Variants in RNF10 observed in about 807,000 individuals in gnomAD.
The protein encoded by RNF10 is ring finger protein 10.
A neutral mutation model predicts 91.4 loss-of-function variants in RNF10; 38 were observed. The observed-to-expected ratio is 0.42, with a 90% CI of 0.32 to 0.54. The LOEUF is 0.54. Ranked by LOEUF, RNF10 falls within the 20% of genes least tolerant of loss-of-function variation. RNF10 has a pLI of 0.16. For synonymous variants in RNF10, 364 were observed against 366.3 expected (o/e 0.99, Z 0.07); for missense variants, 945 against 1,012.0 (o/e 0.93, Z 0.90).
intron 4 of RNF10, among the ~76,000 whole-genome samples, chr12:120,556,333 G>T (rs1312882713): frequency 2.6e-5 from 4 of 151,190 alleles, no homozygotes; most frequent in African/African-American, 4.9e-5. Context: ...AGGAGATCGA[G>T]ACCATCCTGG....
In RNF10 at chr12:120,535,642, C is replaced by G. The variant is rs1238566583; in HGVS notation, c.157+674C>G. ...AAAAACAAAACAAATGAACTAAGGT[C>G]TTAGGATATCTGGCGTCTATTTTGC... On this transcript the variant is annotated intron_variant, in intron 1 of 16. Transcript: ENST00000325954. The G allele has an allele frequency of 2.0e-5, 3 of 152,162 alleles. No individual in the cohort carries two copies. The East Asian group carries it at 5.8e-4, about 29-fold the overall frequency. The allele number at this position is 152,162 out of a possible 1,614,324, so 9.4% of individuals were successfully genotyped here.
intron 7 of RNF10, among the ~76,000 whole-genome samples, chr12:120,562,259 T>TTTTC (rs1179738845): frequency 6.8e-5 from 9 of 132,060 alleles, no homozygotes; most frequent in African/African-American, 2.1e-4. Context: ...TGGTTTTTCT[T>TTTTC]TTTCTTTCTT....
intron 12 of RNF10, among the ~76,000 whole-genome samples, chr12:120,565,971 T>C (rs1875632600): frequency 6.6e-6 from 1 of 152,244 alleles, no homozygotes; most frequent in Non-Finnish European, 1.5e-5. Context: ...AGATCTTTCG[T>C]AGCAGTAAGC....
chr12:120,554,753 C>G lies in RNF10; in HGVS notation c.590C>G (p.Thr197Arg), dbSNP rs1873706078. The change falls in exon 4 of 17, where the codon ACA (threonine) becomes AGA (arginine). Residue 197 changes from threonine (T) to arginine (R), a missense_variant. Physicochemically the swap from Thr to Arg is moderately conservative, Grantham distance 71. Coordinates refer to ENST00000325954, the MANE Select transcript of RNF10 (RefSeq NM_014868.5). The part of the protein sequence containing the change: ...QFVVSEDQDY[T>R]AHFADPDTLV... ...GTGGTGTCTGAAGACCAAGACTACACAGCTCATTTTGCTGATCCTGATACA... is the reference window on the plus strand; with the variant it reads ...GTGGTGTCTGAAGACCAAGACTACAGAGCTCATTTTGCTGATCCTGATACA... The G allele has an allele frequency of 1.2e-6, 2 of 1,614,172 alleles. No homozygotes were observed. Among genetic ancestry groups the G allele is most frequent in the Non-Finnish European group, 1.7e-6 (2 of 1,179,996 alleles).
chr12:120,574,871 A>C (rs191628034), intron 14 of RNF10: 1 of 213,308 alleles, frequency 4.7e-6, no homozygotes, highest in Non-Finnish European at 9.5e-6. Context: ...GGTTGCGGTA[A>C]GCCAAGATTT....
At chr12:120,554,692 CT>C in intron 3 of RNF10, 25 bp from the exon 4 acceptor site, 1 of 1,563,678 alleles carries the variant, frequency 6.4e-7, no homozygotes, top group Non-Finnish European at 8.8e-7. Context: ...GACAGTCTAG[CT>C]TTTTCCTGTC....
intron 1 of RNF10, among the ~76,000 whole-genome samples, chr12:120,541,118 A>G (rs1361830519): frequency 6.6e-6 from 1 of 152,136 alleles, no homozygotes; most frequent in African/African-American, 2.4e-5. Flanking sequence ...CGGCCTCCCA[A>G]AGCATTGGGA....
chr12:120,545,264 T>C (rs1872142421), intron 1 of RNF10, among the ~76,000 whole-genome samples: 1 of 152,078 alleles, frequency 6.6e-6, no homozygotes, highest in Non-Finnish European at 1.5e-5. Flanking sequence ...CACTGCAAGC[T>C]CTGCCTCCTG....
At position 120,562,948 on chromosome 12, in the gene RNF10, C is replaced by T. The variant is rs1358752595; in HGVS notation, c.1132C>T (p.Arg378Trp). 4 of 1,613,804 alleles carry T rather than the reference C, an allele frequency of 2.5e-6. No homozygotes were observed. The highest frequency in any genetic ancestry group is 1.7e-5 in the Admixed American group (1 of 59,986). ...IEAAIQELKT[R>W]EEALSGLAGS... ...GTGTTCTCTCTGGCCACGTTAGACTCGGGAAGAGGCTCTGTCGGGATTGGC... is the reference window on the plus strand; with the variant it reads ...GTGTTCTCTCTGGCCACGTTAGACTTGGGAAGAGGCTCTGTCGGGATTGGC... The change falls in exon 8 of 17, where the codon CGG (arginine) becomes TGG (tryptophan). Residue 378 changes from arginine (R) to tryptophan (W), a missense_variant. Arg to Trp is a moderately radical substitution (Grantham distance 101). Transcript: ENST00000325954.
At chr12:120,545,763 T>C (rs879477211) in intron 1 of RNF10, among the ~76,000 whole-genome samples, 19 of 152,152 alleles carry the variant, frequency 1.2e-4, no homozygotes, top group Non-Finnish European at 2.1e-4. Flanking sequence ...GGTCTCAAAC[T>C]CCTGACCTCA....
At chr12:120,566,717 G>T (rs1875759347) in intron 12 of RNF10, 108 bp from the exon 13 acceptor site, 14 of 1,038,276 alleles carry the variant, frequency 1.3e-5, no homozygotes, top group Non-Finnish European at 2.0e-5. Flanking sequence ...AACAGAGATC[G>T]TACCACTACA....
chr12:120,572,695 AAGCAATTCTCCTGCCTCAGCCTCCCGGGT>A (rs1017034064), intron 14 of RNF10, among the ~76,000 whole-genome samples: 29 of 151,564 alleles, frequency 1.9e-4, no homozygotes, highest in Non-Finnish European at 4.0e-4. Flanking sequence ...TCCCGGGTTC[AAGCAATTCTCCTGCCTCAGCCTCCCGGGT>A]AGCTGGGGTT....
chr12:120,569,381 T>C (rs1391114596), intron 13 of RNF10, among the ~76,000 whole-genome samples: 2 of 152,136 alleles, frequency 1.3e-5, no homozygotes, highest in Admixed American at 1.3e-4. Flanking sequence ...TTTTGCAGAT[T>C]AGGAACCTGT....
At chr12:120,565,591 G>T (rs964889902) in intron 12 of RNF10, 62 bp downstream of exon 12, 4 of 1,434,616 alleles carry the variant, frequency 2.8e-6, no homozygotes, top group Admixed American at 3.8e-5. Context: ...AGAACTCTGT[G>T]TCTGGGACCT....
intron 2 of RNF10, among the ~76,000 whole-genome samples, chr12:120,550,854 C>T (rs989974195): frequency 2.0e-5 from 3 of 152,244 alleles, no homozygotes; most frequent in East Asian, 1.9e-4. Context: ...CCTCAGCCTC[C>T]CAAAGTGCTG....
At chr12:120,564,657 A>G (rs924879159) in intron 10 of RNF10, among the ~76,000 whole-genome samples, 2 of 152,186 alleles carry the variant, frequency 1.3e-5, no homozygotes, top group Non-Finnish European at 2.9e-5. Flanking sequence ...GTGTCTTTCA[A>G]TAGGGAGATC....
At chr12:120,549,306 G>A (rs1020054770) in intron 2 of RNF10, among the ~76,000 whole-genome samples, 1 of 152,160 alleles carries the variant, frequency 6.6e-6, no homozygotes, top group African/African-American at 2.4e-5. Flanking sequence ...GGGAATGAAT[G>A]GACTGCAGAA....
At chr12:120,575,741 T>A in intron 15 of RNF10, 51 bp from the exon 16 acceptor site, 1 of 1,613,942 alleles carries the variant, frequency 6.2e-7, no homozygotes, top group Admixed American at 1.7e-5. Context: ...CATAAAAGGC[T>A]GTTTCTAGAA....
Position 120,563,464 on chromosome 12 carries a change from C to T in RNF10, c.1372C>T (p.Pro458Ser). The T allele has an allele frequency of 6.2e-7, 1 of 1,614,140 alleles. No individual in the cohort carries two copies. The highest frequency in any genetic ancestry group is 8.5e-7 in the Non-Finnish European group (1 of 1,180,038). The change falls in exon 9 of 17, where the codon CCA becomes TCA. Residue 458 changes from proline to serine, a missense_variant. Pro to Ser is a moderately conservative substitution (Grantham distance 74). Coordinates refer to ENST00000325954, the MANE Select transcript of RNF10 (RefSeq NM_014868.5). ...LVEEEEAVSE[P>S]EPEGLPEACD... ...AGAAGAGGAGGAAGCAGTGTCTGAA[C>T]CAGAGCCTGAGGGGTTGCCAGAGGC... is the stretch of plus-strand genomic sequence containing the variant.
Sources: allele counts gnomAD v4.1 joint callset (sites outside exome capture counted in the v4.1 genomes callset), GRCh38; gene constraint gnomAD v4.1.1; transcripts MANE v1.5; gene names NCBI Gene and HGNC (gene_info 2026-07-23, HGNC 2026-07-21).